TEX9: variants seen among roughly 807,000 people sequenced by gnomAD.
TEX9 encodes testis expressed 9.
A neutral mutation model predicts 59.6 loss-of-function variants in TEX9; 74 were observed. The ratio of observed to expected loss-of-function variants is 1.24; its 90% CI spans 1.03 to 1.51. The LOEUF is 1.51. Ranked by LOEUF, TEX9 falls within the 40% of genes most tolerant of loss-of-function variation. The pLI, the probability that TEX9 is intolerant of heterozygous loss-of-function variation, is 0.00. For missense variants in TEX9, 522 were observed against 447.8 expected (o/e 1.17, Z -1.49); for synonymous variants, 186 against 152.2 (o/e 1.22, Z -1.64).
intron 3 of TEX9, among the ~76,000 whole-genome samples, chr15:56,378,292 G>C (rs1236054691): frequency 6.6e-6 from 1 of 152,074 alleles, no homozygotes; most frequent in Non-Finnish European, 1.5e-5. Flanking sequence ...GAGTTGGTTT[G>C]GTATTAGTTC....
chr15:56,308,134 T>C (rs2045524915), intron 1 of TEX9, among the ~76,000 whole-genome samples: 2 of 152,184 alleles, frequency 1.3e-5, no homozygotes, highest in African/African-American at 4.8e-5. Flanking sequence ...ACATTTAACT[T>C]TTGAGGAACT....
chr15:56,417,212 A>AT (rs1372912659), intron 10 of TEX9, among the ~76,000 whole-genome samples: 2 of 151,382 alleles, frequency 1.3e-5, no homozygotes, highest in Non-Finnish European at 2.9e-5. Flanking sequence ...TTCAGCTCTG[A>AT]TTTTTGTTAT....
At chr15:56,315,177 A>AT (rs2045724060) in intron 1 of TEX9, among the ~76,000 whole-genome samples, 1 of 143,970 alleles carries the variant, frequency 6.9e-6, no homozygotes, top group African/African-American at 2.6e-5. Context: ...TTATGTGTGA[A>AT]TTTGATCCTG....
At chr15:56,300,744 A>T (rs796135497) in intron 1 of TEX9, among the ~76,000 whole-genome samples, 1 of 139,410 alleles carries the variant, frequency 7.2e-6, no homozygotes, top group Non-Finnish European at 1.6e-5. Flanking sequence ...AGAGAGAGAG[A>T]GACTTCATTT....
chr15:56,381,808 A>C (rs918763153), intron 3 of TEX9, among the ~76,000 whole-genome samples: 1 of 152,186 alleles, frequency 6.6e-6, no homozygotes, highest in Non-Finnish European at 1.5e-5. Flanking sequence ...TCAGACCTGA[A>C]GCCAGAACAG....
At chr15:56,436,662 C>A (rs1328847487) in intron 12 of TEX9, among the ~76,000 whole-genome samples, 1 of 152,074 alleles carries the variant, frequency 6.6e-6, no homozygotes, top group Non-Finnish European at 1.5e-5. Flanking sequence ...ATCAGTGAAT[C>A]CAGGAGCTGG....
chr15:56,356,343 T>A (rs1347579417), intron 1 of TEX9, among the ~76,000 whole-genome samples: 1 of 152,142 alleles, frequency 6.6e-6, no homozygotes, highest in African/African-American at 2.4e-5. Context: ...GTTTTAGTCT[T>A]CTTTTTCTGA....
chr15:56,429,050 C>A, intron 12 of TEX9: 1 of 1,180,302 alleles, frequency 8.5e-7, no homozygotes, highest in Non-Finnish European at 1.2e-6. Context: ...GTTATGCTGA[C>A]ATCTAGTGGT....
intron 1 of TEX9, among the ~76,000 whole-genome samples, chr15:56,264,837 C>T (rs187385468): frequency 6.6e-6 from 1 of 152,304 alleles, no homozygotes; most frequent in East Asian, 1.9e-4. Flanking sequence ...TCCTTTTCCA[C>T]ACTATGTTTT....
intron 9 of TEX9, among the ~76,000 whole-genome samples, chr15:56,402,497 A>G (rs890000035): frequency 6.6e-6 from 1 of 152,136 alleles, no homozygotes; most frequent in African/African-American, 2.4e-5. Flanking sequence ...AATAATTAAT[A>G]GCCTACCAAC....
chr15:56,371,694 T>G (rs970483102), intron 2 of TEX9, among the ~76,000 whole-genome samples: 1 of 152,208 alleles, frequency 6.6e-6, no homozygotes, highest in Non-Finnish European at 1.5e-5. Flanking sequence ...GTTTTCAATT[T>G]ACCTTTACTA....
chr15:56,457,816 A>T, the TEX9 span, among the ~76,000 whole-genome samples: 1 of 143,142 alleles, frequency 7.0e-6, no homozygotes, highest in Non-Finnish European at 1.5e-5. Flanking sequence ...CCTGTCTCTT[A>T]AAAAAAAAAA....
chr15:56,293,271 C>A (rs886573725), intron 1 of TEX9, among the ~76,000 whole-genome samples: 3 of 152,082 alleles, frequency 2.0e-5, no homozygotes, highest in African/African-American at 7.2e-5. Context: ...CAAGAGTTTG[C>A]GGACACAGTA....
At chr15:56,248,371 T>G (rs189099320) in intron 1 of TEX9, among the ~76,000 whole-genome samples, 13 of 152,298 alleles carry the variant, frequency 8.5e-5, no homozygotes, top group Non-Finnish European at 1.9e-4. Context: ...GTGTTAAGGC[T>G]AAGTAGCCTA....
chr15:56,399,356 G>A (rs1398040838), intron 9 of TEX9, among the ~76,000 whole-genome samples: 1 of 152,268 alleles, frequency 6.6e-6, no homozygotes, highest in Admixed American at 6.5e-5. Context: ...CTTGCTCACT[G>A]CTAGTGCAGC....
At chr15:56,403,486 A>G (rs188205389) in intron 9 of TEX9, among the ~76,000 whole-genome samples, 26 of 152,352 alleles carry the variant, frequency 1.7e-4, no homozygotes, top group Non-Finnish European at 3.1e-4. Flanking sequence ...AAAAGAGGAC[A>G]CAAACAAATG....
At chr15:56,441,655 A>G (rs1449772184) in intron 12 of TEX9, among the ~76,000 whole-genome samples, 1 of 152,240 alleles carries the variant, frequency 6.6e-6, no homozygotes, top group Non-Finnish European at 1.5e-5. Context: ...TTTGCAAACT[A>G]TGCATCTGAC....
intron 1 of TEX9, among the ~76,000 whole-genome samples, chr15:56,297,583 C>A (rs770263936): frequency 6.6e-6 from 1 of 152,212 alleles, no homozygotes. Flanking sequence ...TGGCTCACTG[C>A]AACCTCTGCC....
intron 1 of TEX9, among the ~76,000 whole-genome samples, chr15:56,306,257 C>CAAAAAAAAAAAAAAA (rs55882329): frequency 8.8e-5 from 7 of 79,450 alleles, no homozygotes; most frequent in Admixed American, 1.8e-4. Flanking sequence ...AGGTACATAG[C>CAAAAAAAAAAAAAAA]AAAAAAAAAA....
Sources: allele counts gnomAD v4.1 joint callset (sites outside exome capture counted in the v4.1 genomes callset), GRCh38; gene constraint gnomAD v4.1.1; transcripts MANE v1.5; gene names NCBI Gene and HGNC (gene_info 2026-07-23, HGNC 2026-07-21).